ITPR1: variants seen among roughly 807,000 people sequenced by gnomAD.
ITPR1 encodes inositol 1,4,5-trisphosphate-gated calcium channel ITPR1.
Under a neutral mutation model 318.4 loss-of-function variants are expected in ITPR1, and 96 were observed. The observed-to-expected ratio is 0.30, with a 90% CI of 0.26 to 0.36. The LOEUF (loss-of-function observed/expected upper bound fraction) is 0.36, where lower values mean the gene tolerates loss of function less well. ITPR1 is among the 10% of genes least tolerant of loss of function. The pLI is 1.00. For synonymous variants in ITPR1, 1,312 were observed against 1,289.9 expected (o/e 1.02, Z -0.37); for missense variants, 2,440 against 3,460.2 (o/e 0.71, Z 7.40).
chr3:4,632,915 T>C (rs1013149185), intron 5 of ITPR1, among the ~76,000 whole-genome samples: 2 of 150,456 alleles, frequency 1.3e-5, no homozygotes, highest in Non-Finnish European at 3.0e-5. Context: ...AGATTACTGA[T>C]GTGACTTTCA....
chr3:4,639,502 T>G, intron 6 of ITPR1, 32 bp downstream of exon 6: 1 of 1,457,992 alleles, frequency 6.9e-7, no homozygotes, highest in Non-Finnish European at 9.4e-7. Context: ...CTTCTGAAGC[T>G]GAAGCGTTAC....
chr3:4,569,614 G>C (rs1160223420), intron 4 of ITPR1, among the ~76,000 whole-genome samples: 1 of 152,134 alleles, frequency 6.6e-6, no homozygotes, highest in Non-Finnish European at 1.5e-5. Context: ...TAGTAAGAGG[G>C]ATCATGGAAC....
intron 59 of ITPR1, among the ~76,000 whole-genome samples, chr3:4,815,793 T>C (rs1575357940): frequency 6.6e-6 from 1 of 152,014 alleles, no homozygotes; most frequent in Non-Finnish European, 1.5e-5. Flanking sequence ...CCTAGTGGTA[T>C]GTATGCTAAA....
chr3:4,723,329 C>G (rs185972760), intron 40 of ITPR1, among the ~76,000 whole-genome samples: 2 of 152,250 alleles, frequency 1.3e-5, no homozygotes, highest in Admixed American at 6.5e-5. Flanking sequence ...CAGTCTATTC[C>G]ACGAAGGGAT....
intron 13 of ITPR1, among the ~76,000 whole-genome samples, chr3:4,659,850 T>C (rs762912201): frequency 6.6e-6 from 1 of 152,202 alleles, no homozygotes; most frequent in Non-Finnish European, 1.5e-5. Flanking sequence ...AATATGTTAA[T>C]ATTACATTGT....
At chr3:4,561,181 T>G (rs1392351032) in intron 4 of ITPR1, among the ~76,000 whole-genome samples, 1 of 152,240 alleles carries the variant, frequency 6.6e-6, no homozygotes, top group Non-Finnish European at 1.5e-5. Context: ...TAGTCTCATA[T>G]GAAGTGAGAT....
intron 51 of ITPR1, among the ~76,000 whole-genome samples, chr3:4,786,985 T>A (rs2047234904): frequency 1.3e-5 from 2 of 152,198 alleles, no homozygotes; most frequent in South Asian, 4.1e-4. Context: ...TGCCTAGCAG[T>A]GTACTCTCCA....
intron 20 of ITPR1, among the ~76,000 whole-genome samples, chr3:4,671,286 C>G (rs908242190): frequency 1.3e-5 from 2 of 152,182 alleles, no homozygotes; most frequent in Non-Finnish European, 2.9e-5. Flanking sequence ...ATTTTATGCT[C>G]TAATTTCTTT....
intron 40 of ITPR1, among the ~76,000 whole-genome samples, chr3:4,721,259 G>C (rs556752885): frequency 1.3e-5 from 2 of 149,478 alleles, no homozygotes; most frequent in African/African-American, 5.0e-5. Context: ...GGTCATGTCA[G>C]AATGTGTTTT....
chr3:4,604,727 T>C (rs1446046003), intron 4 of ITPR1, among the ~76,000 whole-genome samples: 1 of 152,000 alleles, frequency 6.6e-6, no homozygotes, highest in Non-Finnish European at 1.5e-5. Flanking sequence ...TCTGCAGTAG[T>C]TGGGGAGGAC....
intron 30 of ITPR1, among the ~76,000 whole-genome samples, chr3:4,686,302 A>G (rs2094393393): frequency 6.6e-6 from 1 of 152,166 alleles, no homozygotes; most frequent in Non-Finnish European, 1.5e-5. Context: ...GGACCATATG[A>G]ATCGGGCAGG....
At chr3:4,845,576 C>T (rs2051703998) in intron 61 of ITPR1, among the ~76,000 whole-genome samples, 1 of 152,182 alleles carries the variant, frequency 6.6e-6, no homozygotes, top group African/African-American at 2.4e-5. Flanking sequence ...ATGGTCACAG[C>T]ATTATTTACA....
chr3:4,615,045 A>G (rs2092329669), intron 4 of ITPR1, among the ~76,000 whole-genome samples: 2 of 152,198 alleles, frequency 1.3e-5, no homozygotes, highest in South Asian at 2.1e-4. Context: ...GGAGGCTTGG[A>G]ATGGGGCCCA....
At chr3:4,840,606 G>C (rs1050733051) in intron 61 of ITPR1, among the ~76,000 whole-genome samples, 1 of 152,074 alleles carries the variant, frequency 6.6e-6, no homozygotes, top group Admixed American at 6.5e-5. Flanking sequence ...ATCAATCTGA[G>C]GGAAAAAAGT....
chr3:4,835,031 T>C (rs1012949559), intron 60 of ITPR1, among the ~76,000 whole-genome samples: 1 of 152,214 alleles, frequency 6.6e-6, no homozygotes, highest in Non-Finnish European at 1.5e-5. Context: ...CTTTTATTAA[T>C]ATTGAATGTC....
chr3:4,662,456 C>T (rs2093854957), intron 15 of ITPR1, among the ~76,000 whole-genome samples: 1 of 152,160 alleles, frequency 6.6e-6, no homozygotes, highest in African/African-American at 2.4e-5. Flanking sequence ...GGTGTAGTGG[C>T]TCACACCTGT....
At chr3:4,622,724 A>G (rs903400023) in intron 4 of ITPR1, among the ~76,000 whole-genome samples, 20 of 152,322 alleles carry the variant, frequency 1.3e-4, no homozygotes, top group Admixed American at 6.5e-5. Flanking sequence ...AAACATTTTA[A>G]TAAGTAGTAA....
At chr3:4,623,881 A>G (rs2029665) in intron 4 of ITPR1, among the ~76,000 whole-genome samples, 100,664 of 152,082 alleles carry the variant, frequency 0.66, 34,664 homozygotes, top group African/African-American at 0.85. Flanking sequence ...GCAATGCAAT[A>G]CTCTGTTTCG....
At chr3:4,530,763 A>G (rs1169972067) in intron 4 of ITPR1, among the ~76,000 whole-genome samples, 1 of 146,812 alleles carries the variant, frequency 6.8e-6, no homozygotes, top group Non-Finnish European at 1.5e-5. Flanking sequence ...CCTGGGCAAC[A>G]GAGCAAGACT....
Sources: allele counts gnomAD v4.1 joint callset (sites outside exome capture counted in the v4.1 genomes callset), GRCh38; gene constraint gnomAD v4.1.1; transcripts MANE v1.5; gene names NCBI Gene and HGNC (gene_info 2026-07-23, HGNC 2026-07-21).